ASB5: variants seen among roughly 807,000 people sequenced by gnomAD.
ASB5 encodes ankyrin repeat and SOCS box protein 5.
Under a neutral mutation model 42.1 loss-of-function variants are expected in ASB5, and 45 were observed. The ratio of observed to expected loss-of-function variants is 1.07; its 90% confidence interval spans 0.84 to 1.37. ASB5 has a LOEUF of 1.37. Among genes scored for constraint, ASB5 ranks in the 40% most tolerant of loss-of-function variants. The pLI is 0.00. For missense variants in ASB5, 402 were observed against 399.8 expected, an observed-to-expected ratio of 1.01 and a Z score of -0.05; for synonymous variants, 147 against 150.6, an observed-to-expected ratio of 0.98 and a Z score of 0.18.
At chr4:176,219,308 T>A in intron 5 of ASB5, among the ~76,000 whole-genome samples, 1 of 104,314 alleles carries the variant, frequency 9.6e-6, no homozygotes, top group South Asian at 3.0e-4. Context: ...GTATGATATA[T>A]AAATATATAT....
intron 2 of ASB5, among the ~76,000 whole-genome samples, chr4:176,223,349 TATC>T (rs1753278467): frequency 6.6e-6 from 1 of 152,230 alleles, no homozygotes; most frequent in Non-Finnish European, 1.5e-5. Flanking sequence ...GTAAAGCAAT[TATC>T]ATTATAATGC....
chr4:176,242,943 C>A (rs975719262), intron 1 of ASB5, among the ~76,000 whole-genome samples: 1 of 152,090 alleles, frequency 6.6e-6, no homozygotes, highest in African/African-American at 2.4e-5. Context: ...AACTATGGCT[C>A]ATAGGCCAAA....
At chr4:176,221,110 G>A in intron 5 of ASB5, 45 bp downstream of exon 5, 1 of 1,531,352 alleles carries the variant, frequency 6.5e-7, no homozygotes, top group Non-Finnish European at 8.8e-7. Context: ...ATAAATAACT[G>A]CTTGTGTGTA....
rs145701888 is a variant in ASB5 at position 176,268,591 on chromosome 4, A to T, written c.196+322T>A. 5.9e-5 allele frequency among the ~76,000 whole-genome samples: 9 copies of T among 152,272 alleles called. No homozygotes were observed. In the East Asian group the frequency reaches 1.7e-3, roughly 29 times the overall value. On this transcript the variant is annotated intron_variant, in intron 1 of 6. Coordinates refer to ENST00000296525, the MANE Select transcript of ASB5 (RefSeq NM_080874.4). ...TCTAAAACTAATCTCTAATACTATG[A>T]CTTGGCAGATCAAATGTTTAACTTT...
At chr4:176,237,621 G>A in intron 1 of ASB5, 1 of 962,282 alleles carries the variant, frequency 1.0e-6, no homozygotes, top group Non-Finnish European at 1.2e-6. Flanking sequence ...GGTGCAATGT[G>A]GAGGATGGGC....
intron 1 of ASB5, chr4:176,241,753 T>A: frequency 9.9e-7 from 1 of 1,005,502 alleles, no homozygotes; most frequent in Non-Finnish European, 1.3e-6. Context: ...ATCCAACAGT[T>A]AACCTTTGTT....
intron 1 of ASB5, among the ~76,000 whole-genome samples, chr4:176,236,757 A>T (rs1005299982): frequency 1.3e-5 from 2 of 152,176 alleles, no homozygotes; most frequent in African/African-American, 2.4e-5. Context: ...GTGTTCTACT[A>T]AAACTTATGC....
At chr4:176,252,114 T>C (rs1007284899) in intron 1 of ASB5, among the ~76,000 whole-genome samples, 4 of 133,550 alleles carry the variant, frequency 3.0e-5, no homozygotes, top group Non-Finnish European at 6.5e-5. Context: ...GACACGCATA[T>C]AAAATATTTT....
chr4:176,239,477 T>C (rs1419805655), intron 1 of ASB5, among the ~76,000 whole-genome samples: 1 of 152,186 alleles, frequency 6.6e-6, no homozygotes, highest in African/African-American at 2.4e-5. Flanking sequence ...TTATCATAAG[T>C]ACTGTGACAA....
intron 1 of ASB5, among the ~76,000 whole-genome samples, chr4:176,226,686 A>T (rs1353703098): frequency 6.6e-6 from 1 of 152,160 alleles, no homozygotes; most frequent in East Asian, 1.9e-4. Context: ...GTTCTGTTTC[A>T]TGTTTTTTCA....
intron 1 of ASB5, among the ~76,000 whole-genome samples, chr4:176,238,974 G>A (rs1184783900): frequency 6.6e-6 from 1 of 152,160 alleles, no homozygotes; most frequent in African/African-American, 2.4e-5. Context: ...GAGGAGCTTG[G>A]ATAAGACCAG....
At chr4:176,246,387 T>A (rs903215394) in intron 1 of ASB5, among the ~76,000 whole-genome samples, 2 of 152,184 alleles carry the variant, frequency 1.3e-5, no homozygotes, top group Non-Finnish European at 2.9e-5. Flanking sequence ...ATCAGATACA[T>A]GCAGTACATG....
At chr4:176,243,116 A>C (rs1045700531) in intron 1 of ASB5, among the ~76,000 whole-genome samples, 1 of 152,182 alleles carries the variant, frequency 6.6e-6, no homozygotes, top group Non-Finnish European at 1.5e-5. Context: ...TTACTCTTTA[A>C]TCTTTTACAG....
At chr4:176,276,209 C>G (rs966422883) in intron 1 of ASB5, among the ~76,000 whole-genome samples, 4 of 152,104 alleles carry the variant, frequency 2.6e-5, no homozygotes, top group African/African-American at 9.7e-5. Context: ...AGCACTCACT[C>G]GCCTGCACTG....
intron 1 of ASB5, among the ~76,000 whole-genome samples, chr4:176,261,866 A>G (rs907950979): frequency 1.3e-5 from 2 of 151,928 alleles, no homozygotes; most frequent in Non-Finnish European, 2.9e-5. Context: ...TGGCAAACAT[A>G]TACATATATA....
intron 2 of ASB5, among the ~76,000 whole-genome samples, chr4:176,274,272 A>G (rs1455576335): frequency 6.6e-6 from 1 of 152,194 alleles, no homozygotes; most frequent in Non-Finnish European, 1.5e-5. Context: ...TGACAGTAAT[A>G]TAGATTTGAC....
intron 1 of ASB5, among the ~76,000 whole-genome samples, chr4:176,228,570 C>G (rs1220852866): frequency 1.3e-5 from 2 of 152,150 alleles, no homozygotes; most frequent in African/African-American, 4.8e-5. Context: ...AAGCCAGACA[C>G]ATAATTCTTT....
At chr4:176,236,394 A>G (rs1753685984) in intron 1 of ASB5, among the ~76,000 whole-genome samples, 1 of 152,186 alleles carries the variant, frequency 6.6e-6, no homozygotes, top group South Asian at 2.1e-4. Flanking sequence ...AACACTGGAT[A>G]GGCATTTGTT....
At chr4:176,268,363 A>G (rs1243565661) in intron 1 of ASB5, among the ~76,000 whole-genome samples, 1 of 152,182 alleles carries the variant, frequency 6.6e-6, no homozygotes, top group Non-Finnish European at 1.5e-5. Flanking sequence ...TAACAATTCC[A>G]TCAGAAAAAC....
Sources: allele counts gnomAD v4.1 joint callset (sites outside exome capture counted in the v4.1 genomes callset), GRCh38; gene constraint gnomAD v4.1.1; transcripts MANE v1.5; gene names NCBI Gene and HGNC (gene_info 2026-07-23, HGNC 2026-07-21).